Variants in IMMP1L observed in about 807,000 individuals in gnomAD.
The protein encoded by IMMP1L is inner mitochondrial membrane peptidase subunit 1.
In IMMP1L, 24 loss-of-function variants were observed where a neutral mutation model predicts 21.8. The ratio of observed to expected loss-of-function variants is 1.10; its 90% CI spans 0.80 to 1.55. The LOEUF is 1.55. Among genes scored for constraint, IMMP1L ranks in the 40% most tolerant of loss-of-function variants. The pLI is 0.00. For missense variants in IMMP1L, 195 were observed against 200.7 expected (o/e 0.97, Z 0.17); for synonymous variants, 46 against 62.8 (o/e 0.73, Z 1.26).
chr11:31,479,728 T>G (rs1427986243), intron 1 of IMMP1L, among the ~76,000 whole-genome samples: 1 of 152,062 alleles, frequency 6.6e-6, no homozygotes, highest in Non-Finnish European at 1.5e-5. Flanking sequence ...TATAGCTGAT[T>G]ATGTGATTCA....
At chr11:31,434,456 T>C (rs1311664233) in intron 4 of IMMP1L, among the ~76,000 whole-genome samples, 3 of 152,188 alleles carry the variant, frequency 2.0e-5, no homozygotes, top group Non-Finnish European at 4.4e-5. Flanking sequence ...AGTTTTGTTA[T>C]CTAAGACAGT....
chr11:31,450,913 C>T (rs976711158), intron 4 of IMMP1L, among the ~76,000 whole-genome samples: 6 of 152,070 alleles, frequency 3.9e-5, no homozygotes, highest in South Asian at 2.1e-4. Context: ...AAATCAACTG[C>T]GATTAAAATG....
chr11:31,495,960 C>T (rs1048186008), intron 1 of IMMP1L, among the ~76,000 whole-genome samples: 1 of 151,904 alleles, frequency 6.6e-6, no homozygotes, highest in African/African-American at 2.4e-5. Context: ...ACAAAGGTCA[C>T]AAAAGAAATA....
chr11:31,435,915 A>G (rs755819080), intron 4 of IMMP1L, among the ~76,000 whole-genome samples: 1 of 152,198 alleles, frequency 6.6e-6, no homozygotes, highest in African/African-American at 2.4e-5. Flanking sequence ...ACAAATGGTT[A>G]TAAGGCTTGG....
At chr11:31,462,170 C>G (rs576305642) in intron 2 of IMMP1L, among the ~76,000 whole-genome samples, 1 of 152,014 alleles carries the variant, frequency 6.6e-6, no homozygotes, top group East Asian at 1.9e-4. Context: ...CAAAAATTAG[C>G]CAGGCATGGT....
intron 1 of IMMP1L, among the ~76,000 whole-genome samples, chr11:31,494,016 G>A (rs578253049): frequency 7.2e-5 from 11 of 152,280 alleles, no homozygotes; most frequent in Admixed American, 5.2e-4. Context: ...CCAGGTGCAC[G>A]GTGCAAGCTG....
rs554319270 is a variant in IMMP1L at position 31,434,805 on chromosome 11, A to G, written c.322-1235T>C. 4.7e-4 allele frequency among the ~76,000 whole-genome samples: 71 copies of G among 152,294 alleles called. 1 individual carries two copies. Among genetic ancestry groups the G allele is most frequent in the African/African-American group, 1.6e-3 (66 of 41,542 alleles). ...AAAAGGACATAAGTTTACTGAAAGA[A>G]TATCAGAAACTGTATGATCATTCAC... On this transcript the variant is annotated intron_variant, in intron 4 of 5. Transcript: ENST00000532287.
At chr11:31,464,026 A>G (rs1245799713) in intron 1 of IMMP1L, among the ~76,000 whole-genome samples, 1 of 152,110 alleles carries the variant, frequency 6.6e-6, no homozygotes, top group Non-Finnish European at 1.5e-5. Context: ...GTCCTTTACT[A>G]TTTAACTGTT....
intron 3 of IMMP1L, among the ~76,000 whole-genome samples, chr11:31,459,165 TGAA>T (rs1333993429): frequency 6.6e-6 from 1 of 152,234 alleles, no homozygotes; most frequent in African/African-American, 2.4e-5. Flanking sequence ...GTAAAAGATT[TGAA>T]GAAGAATTAC....
intron 1 of IMMP1L, among the ~76,000 whole-genome samples, chr11:31,484,603 TACAC>T (rs1049157698): frequency 2.0e-5 from 3 of 151,914 alleles, no homozygotes; most frequent in Non-Finnish European, 4.4e-5. Flanking sequence ...ATTTTGTAAG[TACAC>T]ACAAGAATTT....
intron 1 of IMMP1L, among the ~76,000 whole-genome samples, chr11:31,467,610 G>T (rs971236278): frequency 1.3e-5 from 2 of 152,006 alleles, no homozygotes; most frequent in African/African-American, 2.4e-5. Context: ...CATGTGTTGG[G>T]AATAGGGAAA....
chr11:31,486,239 T>C (rs1312637746), intron 1 of IMMP1L, among the ~76,000 whole-genome samples: 3 of 151,930 alleles, frequency 2.0e-5, no homozygotes, highest in Admixed American at 6.6e-5. Flanking sequence ...AAGTTGTAAC[T>C]GCCAAAGTAG....
chr11:31,432,563 C>T lies in IMMP1L; in HGVS notation c.438G>A (p.Trp146Ter). ...GTAAAAATCCAAAATCACTCAGAGG[C>T]CAAATCTGTAAAATCAAAATGAGGT... ...LIRGRIFFKI[W>*]PLSDFGFLRA... The change falls in exon 6 of 6, where the codon TGG becomes TGA. Residue 146 changes from tryptophan to a stop codon, truncating the protein, a stop_gained. Coordinates refer to ENST00000532287, the MANE Select transcript of IMMP1L (RefSeq NM_001304274.2). LOFTEE classifies it high-confidence loss of function. The T allele has an allele frequency of 1.2e-6, 2 of 1,609,794 alleles. No homozygotes were observed. Among genetic ancestry groups the T allele is most frequent in the Non-Finnish European group, 1.7e-6 (2 of 1,176,288 alleles).
intron 4 of IMMP1L, among the ~76,000 whole-genome samples, chr11:31,448,583 C>A (rs1410566878): frequency 2.0e-5 from 3 of 152,164 alleles, no homozygotes; most frequent in African/African-American, 7.2e-5. Flanking sequence ...ACCAATAGCA[C>A]TAACTTTATA....
At chr11:31,489,998 C>T (rs1194971865) in intron 1 of IMMP1L, among the ~76,000 whole-genome samples, 4 of 152,106 alleles carry the variant, frequency 2.6e-5, no homozygotes, top group African/African-American at 9.7e-5. Context: ...GCAAAAATTT[C>T]GAGGAAATCT....
At chr11:31,437,575 T>C (rs1953168546) in intron 4 of IMMP1L, among the ~76,000 whole-genome samples, 5 of 152,194 alleles carry the variant, frequency 3.3e-5, no homozygotes, top group Admixed American at 3.3e-4. Flanking sequence ...GAGTGAGAAC[T>C]TTATTTCACT....
intron 1 of IMMP1L, among the ~76,000 whole-genome samples, chr11:31,499,692 T>C (rs1027980784): frequency 6.6e-6 from 1 of 152,172 alleles, no homozygotes; most frequent in Non-Finnish European, 1.5e-5. Flanking sequence ...AATTTCAGTG[T>C]CCACAAAGTG....
At chr11:31,452,404 T>C (rs919409203) in intron 4 of IMMP1L, 1 of 985,282 alleles carries the variant, frequency 1.0e-6, no homozygotes, top group African/African-American at 1.7e-5. Flanking sequence ...CTACATTCCC[T>C]AAGGGAATTA....
intron 4 of IMMP1L, among the ~76,000 whole-genome samples, chr11:31,438,745 T>C (rs1350855917): frequency 6.6e-6 from 1 of 152,192 alleles, no homozygotes; most frequent in Admixed American, 6.5e-5. Flanking sequence ...ATTATTTTTC[T>C]GAATTTTTTC....
Sources: allele counts gnomAD v4.1 joint callset (sites outside exome capture counted in the v4.1 genomes callset), GRCh38; gene constraint gnomAD v4.1.1; transcripts MANE v1.5; gene names NCBI Gene and HGNC (gene_info 2026-07-23, HGNC 2026-07-21).